The following GRIK2 variants were observed in gnomAD, a reference collection of about 807,000 sequenced individuals.
GRIK2 encodes glutamate receptor ionotropic, kainate 2.
GRIK2 carries 32 observed loss-of-function variants against 100.3 expected under a neutral mutation model. That is an observed-to-expected ratio of 0.32 (90% CI 0.24 to 0.43). GRIK2 has a LOEUF of 0.43. Among genes scored for constraint, GRIK2 ranks in the 20% least tolerant of loss-of-function variants. The pLI, the probability that GRIK2 is intolerant of heterozygous loss-of-function variation, is 1.00. For synonymous variants in GRIK2, 417 were observed against 389.4 expected (o/e 1.07, Z -0.83); for missense variants, 843 against 1,114.9 (o/e 0.76, Z 3.47).
In GRIK2 at chr6:101,493,916, T is replaced by C. The variant is rs9485502; in HGVS notation, c.115+94524T>C. 5.2e-3 allele frequency among the ~76,000 whole-genome samples: 762 copies of C among 145,808 alleles called. 7 individuals are homozygous for C. The highest frequency in any genetic ancestry group is 0.018 in the African/African-American group (729 of 40,142). ...ATCAGTCTCTAAATCCTTAGGTTAT[T>C]ATATATATTTTATATATAATATGTA... On this transcript the variant is annotated intron_variant, in intron 2 of 16. Transcript: ENST00000369134.
intron 15 of GRIK2, among the ~76,000 whole-genome samples, chr6:102,038,648 T>TAAAC (rs1770405875): frequency 7.2e-6 from 1 of 138,836 alleles, no homozygotes; most frequent in South Asian, 2.3e-4. Context: ...TACTTAATTA[T>TAAAC]AAACAACAAC....
At chr6:101,464,264 A>G (rs1344941108) in intron 2 of GRIK2, among the ~76,000 whole-genome samples, 3 of 152,100 alleles carry the variant, frequency 2.0e-5, no homozygotes, top group Non-Finnish European at 2.9e-5. Flanking sequence ...GCCTAAGGAG[A>G]GGGTCCATGG....
chr6:101,883,861 T>C (rs528078255), intron 11 of GRIK2, among the ~76,000 whole-genome samples: 1 of 152,288 alleles, frequency 6.6e-6, no homozygotes, highest in South Asian at 2.1e-4. Flanking sequence ...GGAACTAATG[T>C]TGATAAAGCC....
At chr6:101,825,348 A>G (rs2128425378) in intron 10 of GRIK2, among the ~76,000 whole-genome samples, 1 of 152,088 alleles carries the variant, frequency 6.6e-6, no homozygotes, top group East Asian at 1.9e-4. Flanking sequence ...TTTATTTCAA[A>G]TGTATTTTAT....
At chr6:101,563,330 A>G (rs1318605737) in intron 2 of GRIK2, among the ~76,000 whole-genome samples, 3 of 152,144 alleles carry the variant, frequency 2.0e-5, no homozygotes, top group African/African-American at 7.2e-5. Context: ...GAAAATATAT[A>G]TTTTTTCACT....
intron 2 of GRIK2, among the ~76,000 whole-genome samples, chr6:101,415,524 C>T (rs1186983073): frequency 6.6e-6 from 1 of 151,962 alleles, no homozygotes; most frequent in African/African-American, 2.4e-5. Context: ...GCGCCCGCCA[C>T]CACACCCGGC....
intron 4 of GRIK2, among the ~76,000 whole-genome samples, chr6:101,644,276 T>C (rs1419869068): frequency 1.3e-5 from 2 of 151,790 alleles, no homozygotes; most frequent in African/African-American, 4.8e-5. Context: ...TAAACAGAGA[T>C]GACATTTAAA....
chr6:101,838,808 C>T (rs2518197), intron 10 of GRIK2, among the ~76,000 whole-genome samples: 12 of 151,656 alleles, frequency 7.9e-5, no homozygotes, highest in South Asian at 4.2e-4. Context: ...CCCACCACCA[C>T]GCCTGGCTAA....
intron 7 of GRIK2, among the ~76,000 whole-genome samples, chr6:101,785,763 T>A (rs1583144828): frequency 6.6e-6 from 1 of 152,076 alleles, no homozygotes; most frequent in Non-Finnish European, 1.5e-5. Context: ...TGCCTTCAGC[T>A]TTTTTTCTTT....
intron 2 of GRIK2, among the ~76,000 whole-genome samples, chr6:101,408,597 A>G (rs1363095353): frequency 1.3e-5 from 2 of 152,104 alleles, no homozygotes; most frequent in Non-Finnish European, 2.9e-5. Context: ...AAAGAAAAAG[A>G]AAACCCAGGC....
Position 101,689,534 on chromosome 6 carries a change from G to A in GRIK2, c.951+3181G>A, listed in dbSNP as rs150384026. ...TGACTACTGAATACAAAACCACTTCGCTTGCCATTGTAGTTTCTTTCTCTG... is the reference window on the plus strand; with the variant it reads ...TGACTACTGAATACAAAACCACTTCACTTGCCATTGTAGTTTCTTTCTCTG... On this transcript the variant is annotated intron_variant, in intron 7 of 16. Transcript: ENST00000369134. 2.7e-3 allele frequency among the ~76,000 whole-genome samples: 410 copies of A among 152,098 alleles called. 2 individuals are homozygous for A. Among genetic ancestry groups the A allele is most frequent in the African/African-American group, 9.6e-3 (399 of 41,502 alleles).
intron 12 of GRIK2, among the ~76,000 whole-genome samples, chr6:101,904,996 T>G (rs1486782495): frequency 1.3e-5 from 2 of 151,590 alleles, no homozygotes; most frequent in Non-Finnish European, 3.0e-5. Flanking sequence ...AAGAAGGTCA[T>G]TGTATTTTAA....
intron 2 of GRIK2, among the ~76,000 whole-genome samples, chr6:101,433,591 CTTTA>C (rs1160356616): frequency 6.6e-6 from 1 of 151,648 alleles, no homozygotes; most frequent in Non-Finnish European, 1.5e-5. Context: ...TAAAAATTAT[CTTTA>C]TTTTTTTTCT....
At chr6:101,888,549 C>T (rs1039123306) in intron 11 of GRIK2, among the ~76,000 whole-genome samples, 3 of 151,940 alleles carry the variant, frequency 2.0e-5, no homozygotes, top group Non-Finnish European at 4.4e-5. Flanking sequence ...TATCTTTCTC[C>T]GTAGCCCCTC....
chr6:101,700,339 TG>T (rs144584362), intron 7 of GRIK2, among the ~76,000 whole-genome samples: 14,044 of 151,950 alleles, frequency 0.092, 694 homozygotes, highest in Admixed American at 0.12. Context: ...AAAAGGAATT[TG>T]GGGGAAGATA....
In GRIK2 at chr6:102,033,119, C is replaced by T. The variant is rs376202996; in HGVS notation, c.2086-2222C>T. 1.2e-4 allele frequency among the ~76,000 whole-genome samples: 18 copies of T among 151,226 alleles called. 1 individual carries two copies. Among genetic ancestry groups the T allele is most frequent in the African/African-American group, 4.1e-4 (17 of 41,356 alleles). ...TATAAAAGGGGTACAAAAATACCTACATATTTTTATAAAAATTAAAAATTT... is the reference window on the plus strand; with the variant it reads ...TATAAAAGGGGTACAAAAATACCTATATATTTTTATAAAAATTAAAAATTT... On this transcript the variant is annotated intron_variant, in intron 14 of 16. Coordinates refer to ENST00000369134, the MANE Select transcript of GRIK2 (RefSeq NM_021956.5).
intron 2 of GRIK2, among the ~76,000 whole-genome samples, chr6:101,483,002 T>C (rs1195941969): frequency 1.3e-5 from 2 of 152,242 alleles, no homozygotes; most frequent in African/African-American, 4.8e-5. Context: ...CAACGTGTAA[T>C]TATTTGTATT....
At chr6:101,665,456 G>A (rs1769956857) in intron 4 of GRIK2, among the ~76,000 whole-genome samples, 2 of 152,302 alleles carry the variant, frequency 1.3e-5, no homozygotes, top group South Asian at 4.1e-4. Context: ...TGTATATTGA[G>A]TCAAATCTAA....
intron 1 of GRIK2, 124 bp from the exon 2 acceptor site, chr6:101,398,861 T>A (rs773071130): frequency 1.2e-5 from 5 of 419,792 alleles, no homozygotes; most frequent in Admixed American, 8.4e-5. Context: ...TGCAGTAGAA[T>A]AGGGCCTGGC....
Sources: allele counts gnomAD v4.1 joint callset (sites outside exome capture counted in the v4.1 genomes callset), GRCh38; gene constraint gnomAD v4.1.1; transcripts MANE v1.5; gene names NCBI Gene and HGNC (gene_info 2026-07-23, HGNC 2026-07-21).